Variants in CDYL2 observed in about 807,000 individuals in gnomAD.
CDYL2 encodes the protein chromodomain Y like 2.
In CDYL2, 23 loss-of-function variants were observed where a neutral mutation model predicts 49.4. The observed-to-expected ratio is 0.47, with a 90% CI of 0.34 to 0.66. The LOEUF is 0.66. Ranked by LOEUF, CDYL2 falls within the 30% of genes least tolerant of loss-of-function variation. The pLI is 0.01. For synonymous variants in CDYL2, 360 were observed against 268.8 expected (o/e 1.34, Z -3.32); for missense variants, 678 against 656.4 (o/e 1.03, Z -0.36).
At chr16:80,635,271 C>T (rs1907766592) in intron 2 of CDYL2, among the ~76,000 whole-genome samples, 1 of 152,142 alleles carries the variant, frequency 6.6e-6, no homozygotes, top group African/African-American at 2.4e-5. Flanking sequence ...ACTTCCTAGT[C>T]CAATTGTCTC....
chr16:80,629,394 G>A (rs1474535999), intron 3 of CDYL2, among the ~76,000 whole-genome samples: 1 of 152,174 alleles, frequency 6.6e-6, no homozygotes, highest in Non-Finnish European at 1.5e-5. Context: ...AAGGTGAACC[G>A]GCCTTGAGAC....
intron 1 of CDYL2, among the ~76,000 whole-genome samples, chr16:80,800,795 G>T (rs1345875795): frequency 6.6e-6 from 1 of 152,166 alleles, no homozygotes; most frequent in African/African-American, 2.4e-5. Flanking sequence ...GAACGTACAA[G>T]CAGGTAGAAA....
intron 3 of CDYL2, chr16:80,632,794 T>A (rs561260649): frequency 2.0e-5 from 10 of 505,510 alleles, no homozygotes; most frequent in South Asian, 2.0e-4. Flanking sequence ...CCTCTCCCCA[T>A]GGTCTTCATC....
rs761986882 is a variant in CDYL2 at position 80,684,937 on chromosome 16, T to C, written c.217A>G (p.Ser73Gly). 1 of 1,614,230 alleles carries C rather than the reference T, an allele frequency of 6.2e-7. No individual in the cohort carries two copies. Among genetic ancestry groups the C allele is most frequent in the Admixed American group, 1.7e-5 (1 of 60,022 alleles). ...CTGTCACGCAGCAGCTTGGAGGTAC[T>C]GGACTGCTTCCCTGACTTGATCCTC... Reference protein sequence around the residue: ...DKRIKSGKQSSTSKLLRDSRG... With the variant: ...DKRIKSGKQSGTSKLLRDSRG... Residue 73 changes from serine (S) to glycine (G), a missense_variant, in exon 2 of 7, where the codon AGT (serine) becomes GGT (glycine). By Grantham distance (56) the Ser-to-Gly change is moderately conservative. Transcript: ENST00000570137.
intron 1 of CDYL2, among the ~76,000 whole-genome samples, chr16:80,733,617 A>G (rs1905411291): frequency 6.6e-6 from 1 of 152,142 alleles, no homozygotes; most frequent in Non-Finnish European, 1.5e-5. Flanking sequence ...AGTATCTTGG[A>G]TGTGCCTCTT....
intron 1 of CDYL2, among the ~76,000 whole-genome samples, chr16:80,711,653 A>G (rs1267124971): frequency 6.6e-6 from 1 of 152,156 alleles, no homozygotes. Flanking sequence ...TTTCATCTTC[A>G]GAAATGTAGG....
chr16:80,759,047 A>G (rs1906419378), intron 1 of CDYL2, among the ~76,000 whole-genome samples: 1 of 146,780 alleles, frequency 6.8e-6, no homozygotes, highest in Non-Finnish European at 1.5e-5. Flanking sequence ...ATACTAAGAC[A>G]TATGACCCCA....
At chr16:80,718,979 G>C (rs183710355) in intron 1 of CDYL2, among the ~76,000 whole-genome samples, 1 of 152,190 alleles carries the variant, frequency 6.6e-6, no homozygotes, top group African/African-American at 2.4e-5. Context: ...TAAATCCAAA[G>C]TTGTCAGAAC....
chr16:80,760,497 T>C (rs1906489048), intron 1 of CDYL2, among the ~76,000 whole-genome samples: 1 of 152,188 alleles, frequency 6.6e-6, no homozygotes, highest in South Asian at 2.1e-4. Context: ...ATGGATTGTT[T>C]ATAACACAAA....
intron 2 of CDYL2, among the ~76,000 whole-genome samples, chr16:80,672,919 T>A (rs1674260317): frequency 1.3e-5 from 2 of 152,236 alleles, no homozygotes; most frequent in Admixed American, 6.5e-5. Flanking sequence ...TCACGCTGGC[T>A]TGTACAAAAC....
chr16:80,647,819 C>T (rs1357859573), intron 2 of CDYL2, among the ~76,000 whole-genome samples: 3 of 152,090 alleles, frequency 2.0e-5, no homozygotes, highest in African/African-American at 7.2e-5. Context: ...ATGGAAATAT[C>T]AAGCATCTTC....
At position 80,666,823 on chromosome 16, in the gene CDYL2, T is replaced by G. The variant is rs138551558; in HGVS notation, c.616+17715A>C. On this transcript the variant is annotated intron_variant, in intron 2 of 6. Coordinates refer to ENST00000570137, the MANE Select transcript of CDYL2 (RefSeq NM_152342.4). ...CCCATCTTAAAGCAGAACCGGCTCC[T>G]TAAGTCCTCTCTTTCATCTATTCAT... 9.9e-3 allele frequency among the ~76,000 whole-genome samples: 1,503 copies of G among 152,298 alleles called. 22 individuals carry two copies. The highest frequency in any genetic ancestry group is 0.034 in the African/African-American group (1,412 of 41,566).
intron 4 of CDYL2, among the ~76,000 whole-genome samples, chr16:80,618,926 T>C (rs1906952808): frequency 6.6e-6 from 1 of 152,184 alleles, no homozygotes; most frequent in Non-Finnish European, 1.5e-5. Flanking sequence ...CAGGGAACAG[T>C]CACCACAAAC....
intron 2 of CDYL2, among the ~76,000 whole-genome samples, chr16:80,664,507 A>C (rs1423153613): frequency 6.6e-6 from 1 of 152,144 alleles, no homozygotes; most frequent in East Asian, 1.9e-4. Context: ...ATAAGCTTTG[A>C]GTTCTTTGGA....
intron 1 of CDYL2, among the ~76,000 whole-genome samples, chr16:80,706,468 C>T (rs1443685590): frequency 2.6e-5 from 4 of 152,160 alleles, no homozygotes; most frequent in Admixed American, 6.5e-5. Context: ...CCCACTTCTC[C>T]CATCTGAACA....
At chr16:80,653,345 A>G (rs1322916406) in intron 2 of CDYL2, among the ~76,000 whole-genome samples, 1 of 152,126 alleles carries the variant, frequency 6.6e-6, no homozygotes, top group Non-Finnish European at 1.5e-5. Context: ...CATGCCTGTA[A>G]TCCCAGCTAC....
At chr16:80,705,056 G>C (rs1008389622) in intron 1 of CDYL2, among the ~76,000 whole-genome samples, 2 of 152,188 alleles carry the variant, frequency 1.3e-5, no homozygotes, top group Non-Finnish European at 2.9e-5. Context: ...CATCCCAACA[G>C]CTCACCAGTG....
chr16:80,685,049 G>A lies in CDYL2; in HGVS notation c.105C>T (p.Thr35=), dbSNP rs146891288. 3.3e-3 allele frequency: 5,354 copies of A among 1,614,102 alleles called. 12 individuals are homozygous for A. The highest frequency in any genetic ancestry group is 4.6e-3 in the South Asian group (421 of 91,066). ...YLIRWKGYGS[T]EDTWEPEHHL... ...GGTGCTCCGGCTCCCACGTGTCCTC[G>A]GTGCTCCCGTAGCCTTTCCATCGGA... is the stretch of plus-strand genomic sequence containing the variant. The change falls in exon 2 of 7, where the codon ACC becomes ACT. Residue 35 remains threonine, a synonymous_variant. Coordinates refer to ENST00000570137, the MANE Select transcript of CDYL2 (RefSeq NM_152342.4).
chr16:80,694,026 G>C (rs1407492407), intron 1 of CDYL2, among the ~76,000 whole-genome samples: 4 of 152,308 alleles, frequency 2.6e-5, no homozygotes, highest in Middle Eastern at 3.4e-3. Context: ...CTGTATTCTA[G>C]TTCAGCAGTC....
Sources: gnomAD v4.1 joint callset for allele counts (sites outside exome capture counted in the v4.1 genomes callset) on GRCh38, gnomAD v4.1.1 for gene constraint, MANE v1.5 for transcripts, NCBI Gene and HGNC (gene_info 2026-07-23, HGNC 2026-07-21) for gene names.